Variants in IGSF10 observed in about 807,000 individuals in gnomAD.
The protein encoded by IGSF10 is immunoglobulin superfamily member 10.
IGSF10 carries 126 observed loss-of-function variants against 128.2 expected under a neutral mutation model. The observed-to-expected ratio is 0.98, with a 90% confidence interval of 0.85 to 1.14. IGSF10 has a LOEUF of 1.14. IGSF10 is among the 50% of genes most tolerant of loss of function. The pLI is 0.00. For synonymous variants in IGSF10, 1,185 were observed against 1,146.2 expected (o/e 1.03, Z -0.68); for missense variants, 3,295 against 3,149.8 (o/e 1.05, Z -1.10).
At chr3:151,538,106 T>A in the IGSF10 span, among the ~76,000 whole-genome samples, 1 of 152,196 alleles carries the variant, frequency 6.6e-6, no homozygotes, top group South Asian at 2.1e-4. Flanking sequence ...ACTTCACGTT[T>A]AGTTAAGGGT....
the IGSF10 span, among the ~76,000 whole-genome samples, chr3:151,483,158 T>C: frequency 2.0e-5 from 3 of 152,168 alleles, no homozygotes; most frequent in Admixed American, 2.0e-4. Context: ...AATGTGCCAA[T>C]ATTGTAAAGC....
chr3:151,514,672 G>C, the IGSF10 span, among the ~76,000 whole-genome samples: 2 of 152,130 alleles, frequency 1.3e-5, no homozygotes, highest in Non-Finnish European at 2.9e-5. Context: ...CCGTCAGAGT[G>C]AACAGGCAAC....
rs780467516 is a variant in IGSF10 at position 151,448,058 on chromosome 3, A to C, written c.1923T>G (p.Gly641=). Residue 641 remains glycine, a synonymous_variant, in exon 6 of 8, where the codon GGT becomes GGG. Transcript: ENST00000282466. Reference sequence around the variant, plus strand: ...GGTTGGCTGCCACACAGCGATAATAACCTTGGTCTTTCGGGGTGACCTGTA... The same window carrying C: ...GGTTGGCTGCCACACAGCGATAATACCCTTGGTCTTTCGGGGTGACCTGTA... ...RILQVTPKDQ[G]YYRCVAANPS... is the part of the protein sequence containing the mutation. 1.9e-6 allele frequency: 3 copies of C among 1,614,032 alleles called. No homozygotes were observed. The African/African-American group carries it at 4.0e-5, about 22-fold the overall frequency.
upstream of IGSF10, among the ~76,000 whole-genome samples, chr3:151,464,464 T>C (rs1446219163): frequency 1.3e-5 from 2 of 151,646 alleles, no homozygotes; most frequent in African/African-American, 4.9e-5. Context: ...TCATCCTTAA[T>C]TTATCATCCA....
the IGSF10 span, among the ~76,000 whole-genome samples, chr3:151,512,652 C>CA: frequency 0.011 from 1,592 of 151,540 alleles, 12 homozygotes; most frequent in African/African-American, 0.029. Context: ...AAAAACCCTT[C>CA]AAAAAAAATC....
At chr3:151,577,140 T>C in the IGSF10 span, among the ~76,000 whole-genome samples, 1 of 152,220 alleles carries the variant, frequency 6.6e-6, no homozygotes, top group African/African-American at 2.4e-5. Flanking sequence ...CATATTTATA[T>C]GCACACTTTC....
the IGSF10 span, among the ~76,000 whole-genome samples, chr3:151,567,682 G>T: frequency 1.4e-4 from 21 of 152,078 alleles, no homozygotes; most frequent in Non-Finnish European, 2.4e-4. Flanking sequence ...ATAGTTTCTT[G>T]CCCTAATCAG....
At chr3:151,532,681 A>G in the IGSF10 span, among the ~76,000 whole-genome samples, 81 of 152,148 alleles carry the variant, frequency 5.3e-4, no homozygotes, top group African/African-American at 1.8e-3. Context: ...TGTATCTCAA[A>G]ATAAGAGCTA....
chr3:151,508,231 T>C, the IGSF10 span, among the ~76,000 whole-genome samples: 1 of 151,950 alleles, frequency 6.6e-6, no homozygotes, highest in Admixed American at 6.6e-5. Context: ...ATTGAAGGGG[T>C]AAAAAATAGA....
intron 1 of IGSF10, among the ~76,000 whole-genome samples, chr3:151,460,733 G>GTTTT (rs201403882): frequency 7.0e-6 from 1 of 142,876 alleles, no homozygotes; most frequent in African/African-American, 2.6e-5. Context: ...CTCAGTGTGT[G>GTTTT]TTTTTTTTTT....
chr3:151,445,108 G>C lies in IGSF10; in HGVS notation c.4873C>G (p.Pro1625Ala), dbSNP rs1218447934. 1.2e-6 allele frequency: 2 copies of C among 1,613,974 alleles called. No homozygotes were observed. The highest frequency in any genetic ancestry group is 1.3e-5 in the African/African-American group (1 of 74,902). ...NTKKSDFDKK[P>A]VQEATTSKLL... The stretch of plus-strand genomic sequence containing the variant: ...TTGGAAGTTGTTGCTTCTTGAACTG[G>C]TTTCTTATCAAAGTCACTCTTCTTT... The change falls in exon 6 of 8, where the codon CCA (proline) becomes GCA (alanine). Residue 1625 changes from proline to alanine, a missense_variant. Transcript: ENST00000282466.
chr3:151,533,771 A>G, the IGSF10 span, among the ~76,000 whole-genome samples: 1 of 152,226 alleles, frequency 6.6e-6, no homozygotes, highest in Non-Finnish European at 1.5e-5. Flanking sequence ...AAAACACCAA[A>G]AGCAATGGCA....
chr3:151,534,599 G>C, the IGSF10 span, among the ~76,000 whole-genome samples: 1 of 132,466 alleles, frequency 7.5e-6, no homozygotes, highest in East Asian at 2.3e-4. Flanking sequence ...AGTGGGAGTT[G>C]AACAATGAGA....
At chr3:151,539,613 G>C in the IGSF10 span, among the ~76,000 whole-genome samples, 1 of 152,058 alleles carries the variant, frequency 6.6e-6, no homozygotes, top group Non-Finnish European at 1.5e-5. Flanking sequence ...ATGTGTCATA[G>C]TCACTTGAAA....
chr3:151,515,710 T>C, the IGSF10 span, among the ~76,000 whole-genome samples: 2 of 125,674 alleles, frequency 1.6e-5, no homozygotes, highest in East Asian at 4.9e-4. Flanking sequence ...AAAAAATATA[T>C]AAATTATATT....
chr3:151,568,186 C>T, the IGSF10 span, among the ~76,000 whole-genome samples: 6 of 151,984 alleles, frequency 3.9e-5, no homozygotes, highest in South Asian at 1.2e-3. Flanking sequence ...AGTACTTTTT[C>T]CTCTTTAATC....
chr3:151,454,299 C>T (rs560518077), intron 4 of IGSF10, among the ~76,000 whole-genome samples: 2 of 152,002 alleles, frequency 1.3e-5, no homozygotes, highest in Admixed American at 6.5e-5. Context: ...ATTACAGGCA[C>T]GAGCCATCAT....
chr3:151,582,622 T>C, the IGSF10 span, among the ~76,000 whole-genome samples: 1 of 152,206 alleles, frequency 6.6e-6, no homozygotes, highest in Non-Finnish European at 1.5e-5. Flanking sequence ...TATGAACATA[T>C]TGTTATTTTT....
chr3:151,558,465 A>C, the IGSF10 span, among the ~76,000 whole-genome samples: 3 of 151,928 alleles, frequency 2.0e-5, no homozygotes, highest in Non-Finnish European at 4.4e-5. Flanking sequence ...TTGCTATACT[A>C]TTGGGGTTTA....
Sources: allele counts gnomAD v4.1 joint callset (sites outside exome capture counted in the v4.1 genomes callset), GRCh38; gene constraint gnomAD v4.1.1; transcripts MANE v1.5; gene names NCBI Gene and HGNC (gene_info 2026-07-23, HGNC 2026-07-21).